PPP4R2: variants seen among roughly 807,000 people sequenced by gnomAD.
PPP4R2 encodes the protein serine/threonine-protein phosphatase 4 regulatory subunit 2.
In PPP4R2, 13 loss-of-function variants were observed where a neutral mutation model predicts 47.2. The observed-to-expected ratio is 0.28, with a 90% CI of 0.18 to 0.44. The LOEUF (loss-of-function observed/expected upper bound fraction) is 0.44, where lower values mean the gene tolerates loss of function less well. Among genes scored for constraint, PPP4R2 ranks in the 20% least tolerant of loss-of-function variants. PPP4R2 has a pLI of 1.00. For missense variants in PPP4R2, 421 were observed against 491.2 expected, an observed-to-expected ratio of 0.86 and a Z score of 1.35; for synonymous variants, 151 against 163.3, an observed-to-expected ratio of 0.92 and a Z score of 0.57.
chr3:72,997,241 T>A, intron 1 of PPP4R2, 170 bp downstream of exon 1: 1 of 447,384 alleles, frequency 2.2e-6, no homozygotes, highest in Non-Finnish European at 3.9e-6. Flanking sequence ...TGTGGGCAGC[T>A]CTCTCCCGCC....
chr3:73,054,963 C>G (rs1702699464), intron 3 of PPP4R2, among the ~76,000 whole-genome samples: 1 of 152,010 alleles, frequency 6.6e-6, no homozygotes, highest in Non-Finnish European at 1.5e-5. Context: ...CAGCAACTTT[C>G]TTGGTATTTG....
chr3:73,055,639 G>A (rs1397546319), intron 3 of PPP4R2, among the ~76,000 whole-genome samples: 2 of 149,424 alleles, frequency 1.3e-5, no homozygotes, highest in African/African-American at 5.0e-5. Context: ...TAAATCAGAT[G>A]ATATATCATT....
In PPP4R2 at chr3:72,997,050, A is replaced by G. The variant is rs1334790735; in HGVS notation, c.13A>G (p.Arg5Gly). 4 of 1,404,854 alleles carry G rather than the reference A, an allele frequency of 2.8e-6. No individual in the cohort carries two copies. The African/African-American group carries it at 4.4e-5, about 16-fold the overall frequency. The allele number at this position is 1,404,854 out of a possible 1,614,324, so 87.0% of individuals were successfully genotyped here. Residue 5 changes from arginine (R) to glycine (G), a missense_variant, in exon 1 of 9, where the codon AGG becomes GGG. Around this residue, in one of 2 missense-constraint regions of PPP4R2, gnomAD observed 104 missense variants for 203.7 expected, o/e 0.51. Transcript: ENST00000356692. The stretch of plus-strand genomic sequence containing the variant: ...ACTCCGGGAAGCCATGGACGTCGAG[A>G]GGCTCCAGGAGGCGCTGAAAGGTGG... MDVE[R>G]LQEALKDFEK...
chr3:73,041,454 T>C (rs1232712170), intron 2 of PPP4R2, among the ~76,000 whole-genome samples: 1 of 152,280 alleles, frequency 6.6e-6, no homozygotes, highest in African/African-American at 2.4e-5. Context: ...GCCTCAGTCA[T>C]ATAATTAAGA....
At chr3:73,003,387 G>C (rs1191134012) in intron 2 of PPP4R2, among the ~76,000 whole-genome samples, 1 of 151,742 alleles carries the variant, frequency 6.6e-6, no homozygotes, top group East Asian at 2.0e-4. Flanking sequence ...TAATTTTTGT[G>C]TTTTTAGTAG....
At chr3:73,054,308 A>G (rs1223420044) in intron 3 of PPP4R2, among the ~76,000 whole-genome samples, 1 of 152,200 alleles carries the variant, frequency 6.6e-6, no homozygotes, top group Admixed American at 6.5e-5. Context: ...TCATAAATAT[A>G]AATATTTATG....
chr3:73,067,484 C>T lies in PPP4R2; in HGVS notation c.*1762C>T, dbSNP rs1003217909. 1.3e-5 allele frequency: 2 copies of T among 151,956 alleles called. No homozygotes were observed. 9.4% of individuals were successfully genotyped at this position (151,956 alleles called of 1,614,324 possible). A position where few individuals can be genotyped will look rare whatever the true frequency, so the allele number is the denominator to read the frequency against. ...CTAGATGATATATTTATGACTATGT[C>T]TAATAGTTGAAATAAAATCTGAATA... On this transcript the variant is annotated 3_prime_UTR_variant, in exon 9 of 9. Transcript: ENST00000356692.
chr3:73,014,908 TGCCCAGGCTGGCCTCGAA>T, intron 2 of PPP4R2: 1 of 663,020 alleles, frequency 1.5e-6, no homozygotes, highest in South Asian at 1.6e-5. Context: ...CTTGCTGTGT[TGCCCAGGCTGGCCTCGAA>T]ACCCTGGCCT....
At chr3:73,029,936 C>G (rs150590072) in intron 2 of PPP4R2, among the ~76,000 whole-genome samples, 2 of 152,072 alleles carry the variant, frequency 1.3e-5, no homozygotes, top group East Asian at 3.9e-4. Context: ...AATTGGAGTT[C>G]GTTGGTGATC....
chr3:73,055,229 T>G (rs929059208), intron 3 of PPP4R2, among the ~76,000 whole-genome samples: 1 of 152,156 alleles, frequency 6.6e-6, no homozygotes, highest in Non-Finnish European at 1.5e-5. Context: ...GAACTAAGAT[T>G]TATTGAACTT....
intron 2 of PPP4R2, among the ~76,000 whole-genome samples, chr3:73,028,495 C>T (rs558296319): frequency 3.9e-4 from 59 of 152,186 alleles, no homozygotes; most frequent in South Asian, 2.1e-4. Context: ...TCTCGCTCTT[C>T]CACCAGGCTC....
chr3:73,004,135 C>T (rs1490957700), intron 2 of PPP4R2, among the ~76,000 whole-genome samples: 1 of 151,818 alleles, frequency 6.6e-6, no homozygotes, highest in East Asian at 1.9e-4. Flanking sequence ...TGCGCCTGGC[C>T]TGGAGTTCTT....
chr3:73,041,268 A>G (rs1702373584), intron 2 of PPP4R2, among the ~76,000 whole-genome samples: 1 of 152,212 alleles, frequency 6.6e-6, no homozygotes, highest in Admixed American at 6.5e-5. Flanking sequence ...ATGTGGAATG[A>G]TAATGTAAAA....
intron 3 of PPP4R2, 59 bp downstream of exon 3, chr3:73,047,415 CT>C: frequency 8.2e-7 from 1 of 1,216,644 alleles, no homozygotes; most frequent in African/African-American, 1.6e-5. Flanking sequence ...ATAGATTTTT[CT>C]TTTAGTTTTG....
chr3:73,036,801 C>T (rs2107288507), intron 2 of PPP4R2, among the ~76,000 whole-genome samples: 1 of 152,188 alleles, frequency 6.6e-6, no homozygotes, highest in Non-Finnish European at 1.5e-5. Flanking sequence ...TTTAAAGTAG[C>T]AGTGAAAGTA....
At chr3:72,998,213 T>C in intron 2 of PPP4R2, 55 bp downstream of exon 2, 1 of 1,119,294 alleles carries the variant, frequency 8.9e-7, no homozygotes, top group Non-Finnish European at 1.3e-6. Flanking sequence ...TAAGAATTGC[T>C]CAGGAAAGGG....
chr3:73,047,937 C>T (rs370770219), intron 3 of PPP4R2, among the ~76,000 whole-genome samples: 3 of 152,164 alleles, frequency 2.0e-5, no homozygotes, highest in Non-Finnish European at 4.4e-5. Context: ...AATACAGTGG[C>T]GTGATCTTGG....
intron 3 of PPP4R2, among the ~76,000 whole-genome samples, chr3:73,054,365 A>C (rs1702685680): frequency 6.6e-6 from 1 of 152,252 alleles, no homozygotes; most frequent in East Asian, 1.9e-4. Flanking sequence ...GAGAAAGAAC[A>C]TACTGCTTCA....
At chr3:73,000,542 A>G (rs986275470) in intron 2 of PPP4R2, among the ~76,000 whole-genome samples, 4 of 152,156 alleles carry the variant, frequency 2.6e-5, no homozygotes, top group Admixed American at 2.0e-4. Context: ...TTTACAATGG[A>G]GGAGGTTGTA....
Sources: gnomAD v4.1 joint callset for allele counts (sites outside exome capture counted in the v4.1 genomes callset) on GRCh38, gnomAD v4.1.1 for gene constraint, gnomAD v4.1.1 regional missense constraint, MANE v1.5 for transcripts, NCBI Gene and HGNC (gene_info 2026-07-23, HGNC 2026-07-21) for gene names.